Variants in PSMA5 observed in about 807,000 individuals in gnomAD.
PSMA5 encodes proteasome subunit alpha type-5.
Under a neutral mutation model 34.5 loss-of-function variants are expected in PSMA5, and 3 were observed. The observed-to-expected ratio is 0.09, with a 90% CI of 0.04 to 0.22. The LOEUF is 0.22. PSMA5 is among the 10% of genes least tolerant of loss of function. The pLI is 1.00. For missense variants in PSMA5, 120 were observed against 286.1 expected, an observed-to-expected ratio of 0.42 and a Z score of 4.19; for synonymous variants, 88 against 95.8, an observed-to-expected ratio of 0.92 and a Z score of 0.47.
At position 109,399,308 on chromosome 1, in the gene PSMA5, T is replaced by A. The variant is rs1653401353; in HGVS notation, c.*2705A>T. The A allele has an allele frequency of 6.6e-6, 1 of 152,192 alleles. No homozygotes were observed. The highest frequency in any genetic ancestry group is 2.1e-4 in the South Asian group (1 of 4,832). The allele number at this position is 152,192 out of a possible 1,614,324, so 9.4% of individuals were successfully genotyped here. A position where few individuals can be genotyped will look rare whatever the true frequency, so the allele number is the denominator to read the frequency against. On this transcript the variant is annotated 3_prime_UTR_variant, in exon 9 of 9. Transcript: ENST00000271308. Reference sequence around the variant, plus strand: ...GTTCTCAGTTACTGGACTGAAAAGATAAAGCTGATGAAAATTGGTGAACAA... The same window carrying A: ...GTTCTCAGTTACTGGACTGAAAAGAAAAAGCTGATGAAAATTGGTGAACAA...
chr1:109,422,878 C>T (rs752818385), intron 1 of PSMA5, among the ~76,000 whole-genome samples: 3 of 152,254 alleles, frequency 2.0e-5, no homozygotes, highest in African/African-American at 2.4e-5. Flanking sequence ...GTTCCTAATT[C>T]TAACCTAGTT....
chr1:109,411,334 AG>A (rs1379780193), intron 6 of PSMA5, among the ~76,000 whole-genome samples: 1 of 152,212 alleles, frequency 6.6e-6, no homozygotes, highest in Non-Finnish European at 1.5e-5. Flanking sequence ...TTAGAAGTAT[AG>A]TATGTATAAA....
intron 1 of PSMA5, among the ~76,000 whole-genome samples, chr1:109,422,482 CT>C (rs35947865): frequency 0.54 from 67,002 of 123,614 alleles, 17,018 homozygotes; most frequent in East Asian, 0.87. Flanking sequence ...ACAGTTATTA[CT>C]TTTTTTTTTT....
At chr1:109,414,420 T>TA (rs1654115446) in intron 3 of PSMA5, among the ~76,000 whole-genome samples, 1 of 152,250 alleles carries the variant, frequency 6.6e-6, no homozygotes, top group Admixed American at 6.5e-5. Context: ...TGCATTGACT[T>TA]ACTTACATGT....
chr1:109,424,504 G>A (rs940717144), intron 1 of PSMA5, among the ~76,000 whole-genome samples: 5 of 152,098 alleles, frequency 3.3e-5, no homozygotes, highest in South Asian at 2.1e-4. Flanking sequence ...CAGGCCGAGC[G>A]AGGTGGCTCT....
chr1:109,400,702 A>G lies in PSMA5; in HGVS notation c.*1311T>C, dbSNP rs113466079. ...TTGCAGTTTCCAAATGTATATAAAC[A>G]TGTTGTTTTTTGTTGAACTACAGTA... On this transcript the variant is annotated 3_prime_UTR_variant, in exon 9 of 9. Coordinates refer to ENST00000271308, the MANE Select transcript of PSMA5 (RefSeq NM_002790.4). The G allele has an allele frequency of 6.6e-6, 1 of 152,240 alleles. No homozygotes were observed. Among genetic ancestry groups the G allele is most frequent in the Non-Finnish European group, 1.5e-5 (1 of 68,050 alleles). 9.4% of individuals were successfully genotyped at this position (152,240 alleles called of 1,614,324 possible).
At chr1:109,425,175 A>G (rs573798928) in intron 1 of PSMA5, among the ~76,000 whole-genome samples, 5 of 152,372 alleles carry the variant, frequency 3.3e-5, no homozygotes, top group African/African-American at 1.2e-4. Context: ...ACTCAAGCAC[A>G]TTAACTAAGA....
chr1:109,412,195 A>C lies in PSMA5; in HGVS notation c.292-11T>G, dbSNP rs1330998157. The C allele has an allele frequency of 6.2e-7, 1 of 1,603,104 alleles. No homozygotes were observed. Among genetic ancestry groups the C allele is most frequent in the Admixed American group, 1.7e-5 (1 of 60,002 alleles). Reference sequence around the variant, plus strand: ...GGTGAACCAGTGGTTCTAGAAGAAGAGCAAAGCATGGTACAACCTTCTAAT... The same window carrying C: ...GGTGAACCAGTGGTTCTAGAAGAAGCGCAAAGCATGGTACAACCTTCTAAT... On this transcript the variant is annotated splice_polypyrimidine_tract_variant and intron_variant, in intron 4 of 8. Coordinates refer to ENST00000271308, the MANE Select transcript of PSMA5 (RefSeq NM_002790.4).
intron 8 of PSMA5, among the ~76,000 whole-genome samples, chr1:109,407,368 A>C (rs2100956391): frequency 6.6e-6 from 1 of 152,256 alleles, no homozygotes; most frequent in Non-Finnish European, 1.5e-5. Flanking sequence ...TAAGAACTTA[A>C]AGCAGATGGG....
intron 1 of PSMA5, among the ~76,000 whole-genome samples, chr1:109,424,923 G>T (rs1379161776): frequency 6.6e-6 from 1 of 152,136 alleles, no homozygotes; most frequent in Non-Finnish European, 1.5e-5. Flanking sequence ...GGAGGCGGAG[G>T]TTGCAGTGAG....
In PSMA5 at chr1:109,422,030, A is replaced by T. The variant is rs1654463827; in HGVS notation, c.30-104T>A. 4 of 644,192 alleles carry T rather than the reference A, an allele frequency of 6.2e-6. No homozygotes were observed. The South Asian group carries it at 1.2e-4, about 19-fold the overall frequency. 39.9% of individuals were successfully genotyped at this position (644,192 alleles called of 1,614,324 possible). A position where few individuals can be genotyped will look rare whatever the true frequency, so the allele number is the denominator to read the frequency against. Reference sequence around the variant, plus strand: ...TAGCTCAGATAGCTACAGAATACGCACATTGTCATTATTCTCTACTTCGCC... The same window carrying T: ...TAGCTCAGATAGCTACAGAATACGCTCATTGTCATTATTCTCTACTTCGCC... On this transcript the variant is annotated intron_variant, in intron 1 of 8. Coordinates refer to ENST00000271308, the MANE Select transcript of PSMA5 (RefSeq NM_002790.4).
chr1:109,408,961 G>C (rs752581964), intron 8 of PSMA5, among the ~76,000 whole-genome samples: 2 of 152,014 alleles, frequency 1.3e-5, no homozygotes, highest in Admixed American at 6.6e-5. Context: ...AAAGTGCTGG[G>C]ATTACAGGCC....
chr1:109,412,973 T>C, intron 4 of PSMA5, 95 bp downstream of exon 4: 2 of 1,052,100 alleles, frequency 1.9e-6, no homozygotes, highest in South Asian at 1.4e-5. Context: ...CATCTAATAT[T>C]GACACAGGTA....
At chr1:109,416,062 T>C (rs1431754497) in intron 2 of PSMA5, among the ~76,000 whole-genome samples, 1 of 152,090 alleles carries the variant, frequency 6.6e-6, no homozygotes, top group Non-Finnish European at 1.5e-5. Flanking sequence ...AGGATGACAA[T>C]AATAATAAGA....
intron 2 of PSMA5, 108 bp downstream of exon 2, chr1:109,421,752 A>G: frequency 1.1e-6 from 1 of 878,480 alleles, no homozygotes; most frequent in Non-Finnish European, 1.8e-6. Flanking sequence ...AAAGGGATAT[A>G]AGAACATTTT....
At chr1:109,424,646 C>G (rs1296292480) in intron 1 of PSMA5, among the ~76,000 whole-genome samples, 1 of 151,642 alleles carries the variant, frequency 6.6e-6, no homozygotes, top group Non-Finnish European at 1.5e-5. Context: ...CGTGGTGGCA[C>G]CGCCTGTAAT....
At chr1:109,410,127 C>T in intron 7 of PSMA5, 113 bp from the exon 8 acceptor site, 2 of 706,232 alleles carry the variant, frequency 2.8e-6, no homozygotes, top group South Asian at 3.5e-5. Flanking sequence ...TGTCAAACAT[C>T]TTACTTAGTA....
At chr1:109,411,214 C>A in intron 6 of PSMA5, 101 bp from the exon 7 acceptor site, 3 of 702,900 alleles carry the variant, frequency 4.3e-6, no homozygotes, top group Non-Finnish European at 4.9e-6. Context: ...GGCCCTGCAG[C>A]CAGGAAACAC....
In PSMA5 at chr1:109,413,145, A is replaced by G; in HGVS notation, c.224-10T>C. ...CCACTCATGGCACAACCTGCAATGT[A>G]AAAGCGACAGTGACCCAGTGGCCAA... On this transcript the variant is annotated splice_polypyrimidine_tract_variant and intron_variant, in intron 3 of 8. Transcript: ENST00000271308. 10 of 1,613,352 alleles carry G rather than the reference A, an allele frequency of 6.2e-6. No homozygotes were observed. The highest frequency in any genetic ancestry group is 7.6e-6 in the Non-Finnish European group (9 of 1,179,360).
Sources: gnomAD v4.1 joint callset for allele counts (sites outside exome capture counted in the v4.1 genomes callset) on GRCh38, gnomAD v4.1.1 for gene constraint, MANE v1.5 for transcripts, NCBI Gene and HGNC (gene_info 2026-07-23, HGNC 2026-07-21) for gene names.